PTPN21: variants seen among roughly 807,000 people sequenced by gnomAD.
The protein encoded by PTPN21 is tyrosine-protein phosphatase non-receptor type 21.
In PTPN21, 77 loss-of-function variants were observed where a neutral mutation model predicts 131.8. The observed-to-expected ratio is 0.58, with a 90% CI of 0.49 to 0.71. The LOEUF (loss-of-function observed/expected upper bound fraction) is 0.71. PTPN21 is among the 30% of genes least tolerant of loss of function. PTPN21 has a pLI of 0.00. For synonymous variants in PTPN21, 715 were observed against 621.3 expected (o/e 1.15, Z -2.24); for missense variants, 1,552 against 1,527.1 (o/e 1.02, Z -0.27).
intron 2 of PTPN21, among the ~76,000 whole-genome samples, chr14:88,531,440 C>T (rs949325058): frequency 3.9e-5 from 6 of 152,022 alleles, no homozygotes; most frequent in Admixed American, 2.0e-4. Flanking sequence ...GCCTGTAGTC[C>T]CAGCTACTCG....
chr14:88,495,056 A>G (rs2077889428), intron 10 of PTPN21, among the ~76,000 whole-genome samples: 1 of 132,846 alleles, frequency 7.5e-6, no homozygotes, highest in African/African-American at 2.8e-5. Flanking sequence ...TGTCAGTGTC[A>G]GGATCTGATT....
At position 88,500,839 on chromosome 14, in the gene PTPN21, C is replaced by T. The variant is rs771915692; in HGVS notation, c.708G>A (p.Ala236=). The change falls in exon 8 of 19, where the codon GCG becomes GCA. Residue 236 remains alanine, a synonymous_variant. Coordinates refer to ENST00000556564, the MANE Select transcript of PTPN21 (RefSeq NM_007039.4). ...DSQGSDISIG[A]CLEGIFVKHK... ...GTTTCACAAAGATACCTTCAAGACA[C>T]GCTCCAATGGATATGTCACTTCCTT... The T allele has an allele frequency of 2.3e-5, 37 of 1,613,720 alleles. No homozygotes were observed. Among genetic ancestry groups the T allele is most frequent in the South Asian group, 6.6e-5 (6 of 91,062 alleles).
chr14:88,530,147 T>A (rs1485211430), intron 2 of PTPN21, among the ~76,000 whole-genome samples: 1 of 152,100 alleles, frequency 6.6e-6, no homozygotes, highest in Non-Finnish European at 1.5e-5. Context: ...AAAACAATTA[T>A]CAGCCAAGAA....
chr14:88,486,320 G>GT (rs1206176016), intron 10 of PTPN21, among the ~76,000 whole-genome samples: 2 of 152,194 alleles, frequency 1.3e-5, no homozygotes. Flanking sequence ...GCCTCAAGCA[G>GT]TAAGAACTGC....
rs2077503859 is a variant in PTPN21 at position 88,473,663 on chromosome 14, AC to A, written c.2649+1del. ...ACAAAGCCCTGTGTGTCCCATACATACCCTTTCATCATTCGTTGCTCTGGTA... is the reference window on the plus strand; with the variant it reads ...ACAAAGCCCTGTGTGTCCCATACATACCTTTCATCATTCGTTGCTCTGGTA... On this transcript the variant is annotated splice_donor_variant, in intron 14 of 18. Coordinates refer to ENST00000556564, the MANE Select transcript of PTPN21 (RefSeq NM_007039.4). LOFTEE classifies it high-confidence loss of function. 1 of 1,612,234 alleles carries A rather than the reference AC, an allele frequency of 6.2e-7. No individual in the cohort carries two copies. Among genetic ancestry groups the A allele is most frequent in the African/African-American group, 1.3e-5 (1 of 74,778 alleles).
intron 3 of PTPN21, chr14:88,512,661 G>C (rs2078204015): frequency 6.6e-6 from 1 of 152,164 alleles, no homozygotes; most frequent in African/African-American, 2.4e-5. Flanking sequence ...TATCTGCACT[G>C]CCCAATATAG....
chr14:88,500,947 G>C, intron 7 of PTPN21, 76 bp from the exon 8 acceptor site: 1 of 1,055,298 alleles, frequency 9.5e-7, no homozygotes, highest in Non-Finnish European at 1.5e-6. Flanking sequence ...CCCTGGACTG[G>C]TTTCCCAGAT....
chr14:88,505,254 T>TAGG (rs779140200), intron 5 of PTPN21, 50 bp downstream of exon 5: 2 of 1,357,170 alleles, frequency 1.5e-6, no homozygotes, highest in Non-Finnish European at 2.1e-6. Flanking sequence ...ATTAAGGGTA[T>TAGG]AGGAATAAAC....
chr14:88,533,321 A>G (rs879611143), intron 2 of PTPN21, among the ~76,000 whole-genome samples: 32 of 152,230 alleles, frequency 2.1e-4, no homozygotes, highest in Non-Finnish European at 4.4e-4. Flanking sequence ...ACGACAGACC[A>G]CAAATGCGAT....
intron 5 of PTPN21, 86 bp from the exon 6 acceptor site, chr14:88,504,581 C>T (rs1998670): frequency 0.25 from 267,454 of 1,090,820 alleles, 34,188 homozygotes; most frequent in East Asian, 0.29. Flanking sequence ...TAATGACTCT[C>T]GTCACTATCA....
At chr14:88,543,037 C>G (rs1566853417) in intron 2 of PTPN21, among the ~76,000 whole-genome samples, 2 of 152,124 alleles carry the variant, frequency 1.3e-5, no homozygotes, top group Admixed American at 6.5e-5. Context: ...ACAGCTAGTA[C>G]ACAAGGAAAT....
At chr14:88,511,209 C>A (rs1009426799) in intron 3 of PTPN21, among the ~76,000 whole-genome samples, 2 of 152,064 alleles carry the variant, frequency 1.3e-5, no homozygotes, top group African/African-American at 4.8e-5. Context: ...AGCTACCACA[C>A]CCAGCCATAA....
intron 2 of PTPN21, among the ~76,000 whole-genome samples, chr14:88,521,366 C>G (rs2078389080): frequency 1.3e-5 from 2 of 152,022 alleles, no homozygotes; most frequent in South Asian, 4.1e-4. Flanking sequence ...GATTAGGAAT[C>G]CTTTAGGATC....
chr14:88,534,118 T>C (rs558137620), intron 2 of PTPN21, among the ~76,000 whole-genome samples: 104 of 151,910 alleles, frequency 6.8e-4, no homozygotes, highest in African/African-American at 2.2e-3. Flanking sequence ...ACACGTGTAA[T>C]CTCAGCATTT....
chr14:88,472,187 TCTTGTAA>T (rs2140084884), intron 15 of PTPN21, 50 bp downstream of exon 15: 1 of 945,572 alleles, frequency 1.1e-6, no homozygotes, highest in African/African-American at 1.6e-5. Flanking sequence ...TTCTTACCAT[TCTTGTAA>T]CTTAACTGAA....
intron 13 of PTPN21, among the ~76,000 whole-genome samples, chr14:88,474,704 A>G (rs1208710259): frequency 6.6e-6 from 1 of 152,222 alleles, no homozygotes; most frequent in Non-Finnish European, 1.5e-5. Context: ...TCATGACACC[A>G]GGAGGATAGG....
chr14:88,535,070 C>T (rs2078610910), intron 2 of PTPN21, among the ~76,000 whole-genome samples: 1 of 152,008 alleles, frequency 6.6e-6, no homozygotes, highest in African/African-American at 2.4e-5. Flanking sequence ...TAATCTTTTA[C>T]CTCACATTTT....
At position 88,479,058 on chromosome 14, in the gene PTPN21, C is replaced by A. The variant is rs1566811666; in HGVS notation, c.2373G>T (p.Leu791=). Residue 791 remains leucine (L), a synonymous_variant, in exon 13 of 19, where the codon CTG becomes CTT. Coordinates refer to ENST00000556564, the MANE Select transcript of PTPN21 (RefSeq NM_007039.4). ...CGGACTCCGACATGGAGGGCATCAGCAGCCCGTCTCTCCAGGGCCGCTGGG... is the reference window on the plus strand; with the variant it reads ...CGGACTCCGACATGGAGGGCATCAGAAGCCCGTCTCTCCAGGGCCGCTGGG... The part of the protein sequence containing the change: ...AEAQRPWRDG[L]LMPSMSESDL... 8 of 1,606,916 alleles carry A rather than the reference C, an allele frequency of 5.0e-6. No individual in the cohort carries two copies. Among genetic ancestry groups the A allele is most frequent in the Non-Finnish European group, 5.9e-6 (7 of 1,177,442 alleles).
intron 10 of PTPN21, among the ~76,000 whole-genome samples, chr14:88,494,496 T>C (rs995587732): frequency 6.6e-6 from 1 of 151,934 alleles, no homozygotes; most frequent in Non-Finnish European, 1.5e-5. Flanking sequence ...AAGGAGATCC[T>C]GCCTCTATAA....
Sources: allele counts gnomAD v4.1 joint callset (sites outside exome capture counted in the v4.1 genomes callset), GRCh38; gene constraint gnomAD v4.1.1; transcripts MANE v1.5; gene names NCBI Gene and HGNC (gene_info 2026-07-23, HGNC 2026-07-21).